The following PRKN variants were observed in gnomAD, a reference collection of about 807,000 sequenced individuals.
PRKN encodes parkin RBR E3 ubiquitin protein ligase, also known as E3 ubiquitin-protein ligase parkin.
PRKN carries 56 observed loss-of-function variants against 59.5 expected under a neutral mutation model. The observed-to-expected ratio is 0.94, with a 90% confidence interval of 0.76 to 1.18. PRKN has a LOEUF of 1.18. PRKN is among the 50% of genes most tolerant of loss of function. The pLI, the probability that PRKN is intolerant of heterozygous loss-of-function variation, is 0.00. For missense variants in PRKN, 657 were observed against 596.4 expected (o/e 1.10, Z -1.06); for synonymous variants, 250 against 222.1 (o/e 1.13, Z -1.12).
chr6:162,143,448 C>T (rs556458918), intron 4 of PRKN, among the ~76,000 whole-genome samples: 22 of 152,058 alleles, frequency 1.4e-4, no homozygotes, highest in Admixed American at 2.6e-4. Flanking sequence ...GGCAGAGATC[C>T]TGGTTCTCAG....
chr6:161,526,494 ATTCT>A lies in PRKN; in HGVS notation c.1083+22356_1083+22359del, dbSNP rs1424746700. 1.3e-5 allele frequency among the ~76,000 whole-genome samples: 2 copies of A among 151,922 alleles called. No homozygotes were observed. Among genetic ancestry groups the A allele is most frequent in the Non-Finnish European group, 2.9e-5 (2 of 67,970 alleles). Reference sequence around the variant, plus strand: ...TCTTTTTTGTTGTCCTGTCTTGCTAATTCTTTCTTGTTTACATGCTATAACCATT... The same window carrying A: ...TCTTTTTTGTTGTCCTGTCTTGCTAATTCTTGTTTACATGCTATAACCATT... On this transcript the variant is annotated intron_variant, in intron 9 of 11. Transcript: ENST00000366898. This position sits in a 1 kb window ranked among gnomAD's most constrained non-coding sequence, Gnocchi z 4.1.
At chr6:161,675,729 A>T (rs1418689108) in intron 7 of PRKN, among the ~76,000 whole-genome samples, 4 of 152,078 alleles carry the variant, frequency 2.6e-5, no homozygotes, top group African/African-American at 9.7e-5. Context: ...CCTTTACATC[A>T]TGACCTGTAG....
At chr6:162,184,237 T>C (rs576645381) in intron 4 of PRKN, among the ~76,000 whole-genome samples, 1 of 152,182 alleles carries the variant, frequency 6.6e-6, no homozygotes, top group Non-Finnish European at 1.5e-5. Flanking sequence ...AAATTACTGA[T>C]TGCATAATAG....
intron 2 of PRKN, among the ~76,000 whole-genome samples, chr6:162,338,408 AC>A (rs928622665): frequency 1.5e-4 from 22 of 149,346 alleles, no homozygotes; most frequent in Admixed American, 1.3e-3. Context: ...TACTGCAGGC[AC>A]GCGCCGCCAT....
At chr6:162,417,016 G>A (rs1484315885) in intron 2 of PRKN, among the ~76,000 whole-genome samples, 1 of 152,168 alleles carries the variant, frequency 6.6e-6, no homozygotes, top group Non-Finnish European at 1.5e-5. Context: ...CATCCTAACA[G>A]CTGGAGGAAA....
In PRKN at chr6:162,432,253, C is replaced by T. The variant is rs192594488; in HGVS notation, c.171+11057G>A. Among the ~76,000 whole-genome samples, 6 of 152,212 alleles carry T rather than the reference C, an allele frequency of 3.9e-5. No homozygotes were observed. The East Asian group carries it at 9.6e-4, about 24-fold the overall frequency. The stretch of plus-strand genomic sequence containing the variant: ...ATATAAGAAACCAAGCTTGGCTGGG[C>T]GCCGTGGCTCATGCCTGTAATCTCA... On this transcript the variant is annotated intron_variant, in intron 2 of 11. Transcript: ENST00000366898.
At chr6:162,695,461 CAA>C (rs1777933660) in intron 1 of PRKN, among the ~76,000 whole-genome samples, 1 of 152,086 alleles carries the variant, frequency 6.6e-6, no homozygotes, top group Non-Finnish European at 1.5e-5. Context: ...TAAAAAATGT[CAA>C]GACATGACTT....
At chr6:161,855,041 C>T (rs970290258) in intron 6 of PRKN, among the ~76,000 whole-genome samples, 11 of 149,074 alleles carry the variant, frequency 7.4e-5, no homozygotes, top group African/African-American at 2.7e-4. Context: ...CGAGATCATG[C>T]CACTGCACTC....
At chr6:161,932,498 A>T (rs1307762030) in intron 6 of PRKN, among the ~76,000 whole-genome samples, 1 of 152,234 alleles carries the variant, frequency 6.6e-6, no homozygotes. Flanking sequence ...TAAAAAGAAT[A>T]CTGAAACATT....
intron 9 of PRKN, among the ~76,000 whole-genome samples, chr6:161,453,561 G>T (rs1241437669): frequency 6.6e-6 from 1 of 152,154 alleles, no homozygotes; most frequent in Non-Finnish European, 1.5e-5. Context: ...TTTCTCAGAG[G>T]AAGAAATTCT....
At chr6:161,726,475 C>A (rs1787445671) in intron 7 of PRKN, among the ~76,000 whole-genome samples, 1 of 152,216 alleles carries the variant, frequency 6.6e-6, no homozygotes, top group African/African-American at 2.4e-5. Flanking sequence ...CCTTTCATTT[C>A]CTTTTCCTAA....
intron 6 of PRKN, among the ~76,000 whole-genome samples, chr6:161,828,599 G>C (rs1272523415): frequency 6.6e-6 from 1 of 152,098 alleles, no homozygotes; most frequent in East Asian, 1.9e-4. Context: ...CTCACTGGCT[G>C]CCTCTCACTG....
chr6:162,631,285 T>C (rs1297515585), intron 1 of PRKN, among the ~76,000 whole-genome samples: 1 of 152,156 alleles, frequency 6.6e-6, no homozygotes, highest in Non-Finnish European at 1.5e-5. Context: ...ATAAATTCAA[T>C]GTCAAAATTA....
At chr6:161,887,422 A>G (rs1182774687) in intron 6 of PRKN, among the ~76,000 whole-genome samples, 1 of 152,216 alleles carries the variant, frequency 6.6e-6, no homozygotes, top group Non-Finnish European at 1.5e-5. Context: ...GCTAGTTGGA[A>G]TAAAATAGGG....
At chr6:162,336,465 C>T (rs151313110) in intron 2 of PRKN, among the ~76,000 whole-genome samples, 1 of 152,242 alleles carries the variant, frequency 6.6e-6, no homozygotes, top group Non-Finnish European at 1.5e-5. Flanking sequence ...GTGCCAACTG[C>T]CAAGTACTGA....
chr6:162,492,352 C>A (rs1792855014), intron 1 of PRKN, among the ~76,000 whole-genome samples: 1 of 152,226 alleles, frequency 6.6e-6, no homozygotes, highest in Non-Finnish European at 1.5e-5. Context: ...CCATTCAATG[C>A]AGGCTGAGCT....
chr6:161,891,147 A>C (rs1451364470), intron 6 of PRKN, among the ~76,000 whole-genome samples: 1 of 152,172 alleles, frequency 6.6e-6, no homozygotes, highest in Non-Finnish European at 1.5e-5. Context: ...TCCAAGTCAG[A>C]ACTTGGCCGT....
At chr6:161,705,558 T>C (rs991573882) in intron 7 of PRKN, among the ~76,000 whole-genome samples, 1 of 151,940 alleles carries the variant, frequency 6.6e-6, no homozygotes, top group East Asian at 1.9e-4. Flanking sequence ...TAGAGATAAA[T>C]ATTTGAAATT....
chr6:161,380,369 C>T (rs1785914899), intron 10 of PRKN, among the ~76,000 whole-genome samples: 1 of 151,428 alleles, frequency 6.6e-6, no homozygotes, highest in South Asian at 2.1e-4. Flanking sequence ...TGTTTTTCTA[C>T]TTCACTAGAT....
Sources: gnomAD v4.1 joint callset for allele counts (sites outside exome capture counted in the v4.1 genomes callset) on GRCh38, gnomAD v4.1.1 for gene constraint, Gnocchi (gnomAD v3.1) non-coding constraint, MANE v1.5 for transcripts, NCBI Gene and HGNC (gene_info 2026-07-23, HGNC 2026-07-21) for gene names.